Variants in KIRREL1 observed in about 807,000 individuals in gnomAD.
KIRREL1 encodes the protein kin of IRRE-like protein 1.
Under a neutral mutation model 83.3 loss-of-function variants are expected in KIRREL1, and 25 were observed. That is an observed-to-expected ratio of 0.30 (90% CI 0.22 to 0.42). The LOEUF (loss-of-function observed/expected upper bound fraction) is 0.42. Among genes scored for constraint, KIRREL1 ranks in the 10% least tolerant of loss-of-function variants. KIRREL1 has a pLI of 1.00. For missense variants in KIRREL1, 812 were observed against 1,032.3 expected (o/e 0.79, Z 2.92); for synonymous variants, 388 against 410.4 (o/e 0.95, Z 0.66).
intron 1 of KIRREL1, among the ~76,000 whole-genome samples, chr1:158,054,801 A>G (rs1408334472): frequency 6.6e-6 from 1 of 152,104 alleles, no homozygotes; most frequent in Non-Finnish European, 1.5e-5. Context: ...TCAATTCAAC[A>G]AATATTTATT....
At chr1:158,077,497 A>C (rs984451203) in intron 2 of KIRREL1, among the ~76,000 whole-genome samples, 1 of 152,158 alleles carries the variant, frequency 6.6e-6, no homozygotes, top group African/African-American at 2.4e-5. Context: ...TCTTTGGTTT[A>C]GGAGCTCCTC....
At chr1:158,072,037 C>T (rs1393054730) in intron 1 of KIRREL1, among the ~76,000 whole-genome samples, 1 of 152,174 alleles carries the variant, frequency 6.6e-6, no homozygotes, top group Non-Finnish European at 1.5e-5. Flanking sequence ...TCTGCTCTCC[C>T]ACATCCCCCT....
At chr1:158,046,053 A>G (rs1660770077) in intron 1 of KIRREL1, among the ~76,000 whole-genome samples, 1 of 152,194 alleles carries the variant, frequency 6.6e-6, no homozygotes, top group African/African-American at 2.4e-5. Context: ...ACATGGTATA[A>G]TTCATGTTTT....
At chr1:158,070,278 T>C (rs1295174801) in intron 1 of KIRREL1, among the ~76,000 whole-genome samples, 1 of 152,234 alleles carries the variant, frequency 6.6e-6, no homozygotes, top group East Asian at 1.9e-4. Flanking sequence ...GATATCCCTG[T>C]AGCAGAAAAT....
intron 1 of KIRREL1, 137 bp downstream of exon 1, chr1:157,993,865 G>C: frequency 2.0e-6 from 1 of 498,668 alleles, no homozygotes. Context: ...GCGGGGGCTC[G>C]GTCCGGGCGC....
At chr1:158,040,878 A>G (rs936723758) in intron 1 of KIRREL1, among the ~76,000 whole-genome samples, 1 of 152,096 alleles carries the variant, frequency 6.6e-6, no homozygotes, top group South Asian at 2.1e-4. Flanking sequence ...TTTGAACTTT[A>G]TTATCAACAA....
At chr1:158,060,613 C>G (rs1192666621) in intron 1 of KIRREL1, among the ~76,000 whole-genome samples, 4 of 152,184 alleles carry the variant, frequency 2.6e-5, no homozygotes, top group African/African-American at 4.8e-5. Flanking sequence ...CCAACAGCCT[C>G]TGCTTGCCTC....
chr1:158,021,266 G>A (rs1032648418), intron 1 of KIRREL1, among the ~76,000 whole-genome samples: 11 of 152,034 alleles, frequency 7.2e-5, no homozygotes, highest in African/African-American at 1.4e-4. Context: ...CTGGTGACCC[G>A]GAGAGATTCT....
At position 158,078,150 on chromosome 1, in the gene KIRREL1, C is replaced by T; in HGVS notation, c.352+10C>T. 1 of 1,612,912 alleles carries T rather than the reference C, an allele frequency of 6.2e-7. No individual in the cohort carries two copies. Among genetic ancestry groups the T allele is most frequent in the Non-Finnish European group, 8.5e-7 (1 of 1,179,232 alleles). ...AAACTCACCGTGCTCAGTAAGGACC[C>T]CAATACCCTTCAGTACTTCGAGGCC... On this transcript the variant is annotated intron_variant, in intron 3 of 14. Coordinates refer to ENST00000359209, the MANE Select transcript of KIRREL1 (RefSeq NM_018240.7).
In KIRREL1 at chr1:158,096,741, T is replaced by C. The variant is rs1261989751; in HGVS notation, c.*1621T>C. The C allele has an allele frequency of 2.2e-6, 1 of 456,718 alleles. No individual in the cohort carries two copies. The highest frequency in any genetic ancestry group is 4.4e-6 in the Non-Finnish European group (1 of 226,964). The allele number at this position is 456,718 out of a possible 1,614,324, so 28.3% of individuals were successfully genotyped here. ...GAGAACAGGCGCTCCAAGGAGAACC[T>C]GTACCCCTGCCCCAGCCTCGCCTTC... On this transcript the variant is annotated 3_prime_UTR_variant, in exon 15 of 15. Coordinates refer to ENST00000359209, the MANE Select transcript of KIRREL1 (RefSeq NM_018240.7).
At chr1:158,045,585 C>T (rs890832415) in intron 1 of KIRREL1, among the ~76,000 whole-genome samples, 4 of 152,230 alleles carry the variant, frequency 2.6e-5, no homozygotes, top group African/African-American at 9.6e-5. Flanking sequence ...TCCGTGCCCT[C>T]TCCCTGTGGA....
At chr1:157,997,331 A>G (rs1170122366) in intron 1 of KIRREL1, among the ~76,000 whole-genome samples, 2 of 152,212 alleles carry the variant, frequency 1.3e-5, no homozygotes, top group African/African-American at 2.4e-5. Flanking sequence ...TAATCCATGT[A>G]ACGTACATGG....
At chr1:158,021,618 T>C (rs1156284340) in intron 1 of KIRREL1, among the ~76,000 whole-genome samples, 6 of 152,214 alleles carry the variant, frequency 3.9e-5, no homozygotes, top group Admixed American at 3.3e-4. Flanking sequence ...TGCATATACA[T>C]GACTTTTGAC....
At position 158,080,624 on chromosome 1, in the gene KIRREL1, T is replaced by C. The variant is rs563762699; in HGVS notation, c.352+2484T>C. On this transcript the variant is annotated intron_variant, in intron 3 of 14. Transcript: ENST00000359209. ...GAGAGACAGGGACGGTTAGTGCAGC[T>C]GGAGGGGCTTTACACGCCTGGGCAA... Among the ~76,000 whole-genome samples, 38 of 152,272 alleles carry C rather than the reference T, an allele frequency of 2.5e-4. No individual in the cohort carries two copies. In the Middle Eastern group the frequency reaches 0.014, roughly 55 times the overall value.
At position 158,097,014 on chromosome 1, in the gene KIRREL1, C is replaced by T. The variant is rs752714182; in HGVS notation, c.*1894C>T. On this transcript the variant is annotated 3_prime_UTR_variant, in exon 15 of 15. Coordinates refer to ENST00000359209, the MANE Select transcript of KIRREL1 (RefSeq NM_018240.7). ...CTTGTAGGAAGGACCAGATAATACC[C>T]AGGAAGCAAGTAGCTCTAATTTTAA... 1.3e-4 allele frequency: 59 copies of T among 456,818 alleles called. No homozygotes were observed. Among genetic ancestry groups the T allele is most frequent in the Non-Finnish European group, 2.6e-5 (6 of 227,030 alleles). The allele number at this position is 456,818 out of a possible 1,614,324, so 28.3% of individuals were successfully genotyped here.
chr1:158,021,427 A>T, intron 1 of KIRREL1, among the ~76,000 whole-genome samples: 1 of 152,190 alleles, frequency 6.6e-6, no homozygotes, highest in East Asian at 1.9e-4. Flanking sequence ...CATTACCCTC[A>T]TCTTAGTTTC....
chr1:158,044,895 G>A (rs1357404777), intron 1 of KIRREL1, among the ~76,000 whole-genome samples: 2 of 152,204 alleles, frequency 1.3e-5, no homozygotes, highest in Non-Finnish European at 2.9e-5. Flanking sequence ...TTAGTTAGTT[G>A]GATATTGATA....
chr1:158,048,683 A>G (rs1227691114), intron 1 of KIRREL1, among the ~76,000 whole-genome samples: 1 of 152,180 alleles, frequency 6.6e-6, no homozygotes. Context: ...ATAGCATAAA[A>G]CATACAAGTC....
intron 1 of KIRREL1, among the ~76,000 whole-genome samples, chr1:158,070,694 T>A (rs562144502): frequency 6.6e-6 from 1 of 152,198 alleles, no homozygotes; most frequent in Admixed American, 6.5e-5. Context: ...CTTTGCCTTA[T>A]GGGGTGTGTG....
Sources: gnomAD v4.1 joint callset for allele counts (sites outside exome capture counted in the v4.1 genomes callset) on GRCh38, gnomAD v4.1.1 for gene constraint, MANE v1.5 for transcripts, NCBI Gene and HGNC (gene_info 2026-07-23, HGNC 2026-07-21) for gene names.